The following TP53BP1 variants were observed in gnomAD, a reference collection of about 807,000 sequenced individuals.
The protein encoded by TP53BP1 is TP53-binding protein 1.
Under a neutral mutation model 200.8 loss-of-function variants are expected in TP53BP1, and 61 were observed. That is an observed-to-expected ratio of 0.30 (90% CI 0.25 to 0.38). The LOEUF is 0.38. Among genes scored for constraint, TP53BP1 ranks in the 10% least tolerant of loss-of-function variants. The pLI is 1.00. For missense variants in TP53BP1, 2,144 were observed against 2,371.9 expected (o/e 0.90, Z 2.00); for synonymous variants, 822 against 844.3 (o/e 0.97, Z 0.46).
intron 18 of TP53BP1, among the ~76,000 whole-genome samples, chr15:43,424,871 C>G (rs2045489682): frequency 6.6e-6 from 1 of 152,162 alleles, no homozygotes; most frequent in Non-Finnish European, 1.5e-5. Flanking sequence ...GAAGTAAGAC[C>G]TTTAAGAGGT....
At position 43,475,759 on chromosome 15, in the gene TP53BP1, A is replaced by G. The variant is rs1251350515; in HGVS notation, c.956-65T>C. ...ACTACTGAGCTGCCAAAAACCATTCAGTACTGCAAAGAGTAATATCCATAT... is the reference window on the plus strand; with the variant it reads ...ACTACTGAGCTGCCAAAAACCATTCGGTACTGCAAAGAGTAATATCCATAT... On this transcript the variant is annotated intron_variant, in intron 8 of 27. Coordinates refer to ENST00000382044, the MANE Select transcript of TP53BP1 (RefSeq NM_001141980.3). 14 of 1,558,274 alleles carry G rather than the reference A, an allele frequency of 9.0e-6. No homozygotes were observed. In the Admixed American group the frequency reaches 1.6e-4, roughly 18 times the overall value.
intron 16 of TP53BP1, among the ~76,000 whole-genome samples, chr15:43,433,005 A>G (rs912090533): frequency 5.3e-5 from 8 of 152,270 alleles, no homozygotes; most frequent in Admixed American, 2.0e-4. Flanking sequence ...ATGTAAACCC[A>G]TTACTGAAGT....
In TP53BP1 at chr15:43,447,488, GAAAA is replaced by G. The variant is rs749575788; in HGVS notation, c.2717-7_2717-4del. 203 of 954,060 alleles carry G rather than the reference GAAAA, an allele frequency of 2.1e-4. No individual in the cohort carries two copies. Among genetic ancestry groups the G allele is most frequent in the African/African-American group, 4.7e-4 (16 of 34,244 alleles). The allele number at this position is 954,060 out of a possible 1,614,324, so 59.1% of individuals were successfully genotyped here. ...CAAAGTGAAATGAAATGGGGTTTCT[GAAAA>G]AAAAAAAAAAAAGAAAAAAGAAAGA... On this transcript the variant is annotated splice_region_variant and splice_polypyrimidine_tract_variant and intron_variant, in intron 12 of 27. Transcript: ENST00000382044.
At chr15:43,411,715 C>A (rs550097808) in intron 24 of TP53BP1, among the ~76,000 whole-genome samples, 1 of 152,182 alleles carries the variant, frequency 6.6e-6, no homozygotes, top group Non-Finnish European at 1.5e-5. Context: ...CCTGAAGATC[C>A]CTTCAAAAAC....
intron 13 of TP53BP1, 40 bp from the exon 14 acceptor site, chr15:43,446,630 T>G (rs779403334): frequency 6.3e-7 from 1 of 1,597,828 alleles, no homozygotes; most frequent in Non-Finnish European, 8.6e-7. Context: ...AAAAGAACAC[T>G]AAAATACAAA....
intron 18 of TP53BP1, among the ~76,000 whole-genome samples, chr15:43,426,052 G>A (rs112788840): frequency 8.8e-4 from 128 of 145,008 alleles, no homozygotes; most frequent in African/African-American, 3.2e-3. Flanking sequence ...GCCAAAGAGC[G>A]AGACTCCGTC....
intron 10 of TP53BP1, among the ~76,000 whole-genome samples, chr15:43,473,697 T>C (rs556480489): frequency 6.6e-6 from 1 of 151,896 alleles, no homozygotes; most frequent in Admixed American, 6.6e-5. Flanking sequence ...CTGACTGGTG[T>C]GTTTACAAAC....
chr15:43,448,684 C>T (rs1041582597), intron 12 of TP53BP1, among the ~76,000 whole-genome samples: 11 of 151,950 alleles, frequency 7.2e-5, no homozygotes, highest in Non-Finnish European at 1.6e-4. Context: ...GGACTACAGG[C>T]GCCCTCCATC....
intron 12 of TP53BP1, among the ~76,000 whole-genome samples, chr15:43,449,443 C>T (rs1358500832): frequency 2.6e-5 from 4 of 152,308 alleles, no homozygotes; most frequent in African/African-American, 4.8e-5. Context: ...AAGCATTAAT[C>T]GCTGAAAATA....
At chr15:43,486,335 C>CA (rs984608274) in intron 4 of TP53BP1, among the ~76,000 whole-genome samples, 42 of 152,242 alleles carry the variant, frequency 2.8e-4, no homozygotes, top group African/African-American at 8.9e-4. Context: ...AAGATCATGC[C>CA]ATTGCACTCT....
chr15:43,496,841 C>T (rs1253007672), upstream of TP53BP1, among the ~76,000 whole-genome samples: 9 of 152,024 alleles, frequency 5.9e-5, no homozygotes, highest in Non-Finnish European at 1.3e-4. Flanking sequence ...AAGCAGGTCT[C>T]GAACTCCGGC....
rs1306071057 is a variant in TP53BP1 at position 43,403,984 on chromosome 15, C to T, written c.*3399G>A. 5.1e-6 allele frequency: 3 copies of T among 592,684 alleles called. No individual in the cohort carries two copies. The highest frequency in any genetic ancestry group is 9.0e-6 in the Non-Finnish European group (3 of 332,104). 36.7% of individuals were successfully genotyped at this position (592,684 alleles called of 1,614,324 possible). ...TGAAGCAGGTAATACTGTGCCACCT[C>T]ACAGTGCTCAAAAATAGTTCAGTCC... On this transcript the variant is annotated 3_prime_UTR_variant, in exon 28 of 28. Coordinates refer to ENST00000382044, the MANE Select transcript of TP53BP1 (RefSeq NM_001141980.3).
intron 1 of TP53BP1, among the ~76,000 whole-genome samples, chr15:43,510,145 C>T (rs1351369541): frequency 7.8e-6 from 1 of 128,064 alleles, no homozygotes; most frequent in Non-Finnish European, 1.5e-5. Context: ...GCAAACACTG[C>T]TCCTTCTGTT....
chr15:43,468,727 A>G (rs1429401176), intron 11 of TP53BP1, among the ~76,000 whole-genome samples: 1 of 152,146 alleles, frequency 6.6e-6, no homozygotes, highest in Non-Finnish European at 1.5e-5. Flanking sequence ...TAAACATCCT[A>G]CGAGGTAGAC....
In TP53BP1 at chr15:43,404,633, G is replaced by T. The variant is rs1034006490; in HGVS notation, c.*2750C>A. On this transcript the variant is annotated 3_prime_UTR_variant, in exon 28 of 28. Transcript: ENST00000382044. ...TTGTAGAATTCTAGAACTGGAAGAA[G>T]ACTTTAGTCCAAATACCCTCATTTT... 2.0e-5 allele frequency: 30 copies of T among 1,480,018 alleles called. No homozygotes were observed. Among genetic ancestry groups the T allele is most frequent in the Non-Finnish European group, 2.7e-5 (29 of 1,080,450 alleles). The allele number at this position is 1,480,018 out of a possible 1,614,324, so 91.7% of individuals were successfully genotyped here.
chr15:43,416,254 G>C lies in TP53BP1; in HGVS notation c.4844C>G (p.Pro1615Arg). The stretch of plus-strand genomic sequence containing the variant: ...GCTGATATCTGCTGCCTTTGTAAGA[G>C]GTGTTACTGCTTCATAGGGGCCAAG... ...YGLGPYEAVT[P>R]LTKAADISLD... is the part of the protein sequence containing the mutation. Residue 1615 changes from proline to arginine, a missense_variant, in exon 22 of 28, where the codon CCT (proline) becomes CGT (arginine). Physicochemically the swap from Pro to Arg is moderately radical, Grantham distance 103. Coordinates refer to ENST00000382044, the MANE Select transcript of TP53BP1 (RefSeq NM_001141980.3). The C allele has an allele frequency of 6.2e-7, 1 of 1,613,984 alleles. No homozygotes were observed. Among genetic ancestry groups the C allele is most frequent in the Non-Finnish European group, 8.5e-7 (1 of 1,179,966 alleles).
chr15:43,463,506 G>A (rs1346006230), intron 11 of TP53BP1, among the ~76,000 whole-genome samples: 2 of 152,090 alleles, frequency 1.3e-5, no homozygotes, highest in African/African-American at 2.4e-5. Context: ...GAAAAAAGTA[G>A]GGAACTTAAT....
At chr15:43,481,937 G>C (rs951129221) in intron 4 of TP53BP1, among the ~76,000 whole-genome samples, 1 of 151,168 alleles carries the variant, frequency 6.6e-6, no homozygotes, top group African/African-American at 2.4e-5. Context: ...TTTAAAATAA[G>C]TTAACACCGA....
chr15:43,503,581 C>G (rs1263517148), intron 1 of TP53BP1, among the ~76,000 whole-genome samples: 1 of 152,150 alleles, frequency 6.6e-6, no homozygotes, highest in African/African-American at 2.4e-5. Flanking sequence ...ATTGTTTGAA[C>G]CCGGGAGGCG....
Sources: gnomAD v4.1 joint callset for allele counts (sites outside exome capture counted in the v4.1 genomes callset) on GRCh38, gnomAD v4.1.1 for gene constraint, MANE v1.5 for transcripts, NCBI Gene and HGNC (gene_info 2026-07-23, HGNC 2026-07-21) for gene names.